Variants in PSMB7 observed in about 807,000 individuals in gnomAD.
The protein encoded by PSMB7 is proteasome 20S subunit beta 7.
Under a neutral mutation model 28.1 loss-of-function variants are expected in PSMB7, and 5 were observed. The ratio of observed to expected loss-of-function variants is 0.18; its 90% CI spans 0.09 to 0.37. The LOEUF (loss-of-function observed/expected upper bound fraction) is 0.37. Ranked by LOEUF, PSMB7 falls within the 10% of genes least tolerant of loss-of-function variation. The pLI is 1.00. For missense variants in PSMB7, 275 were observed against 346.2 expected (o/e 0.79, Z 1.63); for synonymous variants, 122 against 123.7 (o/e 0.99, Z 0.09).
intron 7 of PSMB7, among the ~76,000 whole-genome samples, chr9:124,355,534 C>T (rs551548176): frequency 2.0e-5 from 3 of 152,292 alleles, no homozygotes; most frequent in South Asian, 2.1e-4. Context: ...GCTCAAATCA[C>T]GCATCTTGCA....
chr9:124,370,001 C>G (rs1830545627), intron 6 of PSMB7, among the ~76,000 whole-genome samples: 1 of 152,164 alleles, frequency 6.6e-6, no homozygotes, highest in South Asian at 2.1e-4. Context: ...TGTCTTAAAA[C>G]CAGGCACAGG....
At chr9:124,412,997 G>A (rs1394785710) in intron 3 of PSMB7, among the ~76,000 whole-genome samples, 1 of 151,748 alleles carries the variant, frequency 6.6e-6, no homozygotes, top group Non-Finnish European at 1.5e-5. Context: ...AACCGGAGGA[G>A]AAGGTAATTG....
intron 5 of PSMB7, among the ~76,000 whole-genome samples, chr9:124,399,760 C>G (rs114673478): frequency 1.1e-3 from 172 of 152,226 alleles, no homozygotes; most frequent in African/African-American, 3.9e-3. Context: ...TCTGAGAGGT[C>G]TCTGTAATGA....
chr9:124,403,018 A>G (rs1309435136), intron 5 of PSMB7, among the ~76,000 whole-genome samples: 1 of 152,180 alleles, frequency 6.6e-6, no homozygotes, highest in Non-Finnish European at 1.5e-5. Context: ...GCAATTTCCA[A>G]ACTACTCAAG....
intron 6 of PSMB7, among the ~76,000 whole-genome samples, chr9:124,383,414 C>G (rs954530465): frequency 1.3e-5 from 2 of 152,152 alleles, no homozygotes; most frequent in Non-Finnish European, 2.9e-5. Context: ...CTTATGTGAG[C>G]TATCCCCATG....
chr9:124,357,048 A>G, intron 6 of PSMB7, 133 bp from the exon 7 acceptor site: 1 of 1,032,582 alleles, frequency 9.7e-7, no homozygotes, highest in Non-Finnish European at 1.4e-6. Context: ...CATCTCACAG[A>G]TGAGGAAAAG....
At chr9:124,374,442 A>G (rs1384160409) in intron 6 of PSMB7, among the ~76,000 whole-genome samples, 1 of 152,244 alleles carries the variant, frequency 6.6e-6, no homozygotes, top group African/African-American at 2.4e-5. Context: ...GGTATCCCAC[A>G]CTTTTAGAAC....
At chr9:124,386,608 A>G (rs2131163749) in intron 5 of PSMB7, among the ~76,000 whole-genome samples, 1 of 152,332 alleles carries the variant, frequency 6.6e-6, no homozygotes, top group Non-Finnish European at 1.5e-5. Flanking sequence ...ACAAAGTCCA[A>G]GAATATCTCC....
intron 6 of PSMB7, among the ~76,000 whole-genome samples, chr9:124,370,947 C>A (rs1327581910): frequency 2.6e-5 from 4 of 152,198 alleles, no homozygotes; most frequent in African/African-American, 9.7e-5. Context: ...CATCATGCTT[C>A]CGTGTATATT....
At chr9:124,401,664 C>T (rs1347644006) in intron 5 of PSMB7, among the ~76,000 whole-genome samples, 1 of 152,190 alleles carries the variant, frequency 6.6e-6, no homozygotes, top group African/African-American at 2.4e-5. Flanking sequence ...AGGACAAAGA[C>T]CCTGATATTC....
intron 6 of PSMB7, among the ~76,000 whole-genome samples, chr9:124,375,695 T>C (rs1275578632): frequency 2.0e-5 from 3 of 152,202 alleles, no homozygotes; most frequent in African/African-American, 4.8e-5. Context: ...TCATTGTTTA[T>C]AATAGTTATC....
At chr9:124,381,937 AAAG>A (rs199579199) in intron 6 of PSMB7, among the ~76,000 whole-genome samples, 2,316 of 152,204 alleles carry the variant, frequency 0.015, 65 homozygotes, top group African/African-American at 0.052. Flanking sequence ...CTCAACCACT[AAAG>A]AAGAAGGTAC....
chr9:124,353,619 G>T lies in PSMB7; in HGVS notation c.813C>A (p.Val271=). ...CCATTCAGGAAGTGTCCATTGTTTGGACTGTTTCTTCCAGCACCTCAATCT... is the reference window on the plus strand; with the variant it reads ...CCATTCAGGAAGTGTCCATTGTTTGTACTGTTTCTTCCAGCACCTCAATCT... ...PLEIEVLEET[V]QTMDTS The change falls in exon 8 of 8, where the codon GTC becomes GTA. Residue 271 remains valine, a synonymous_variant. Transcript: ENST00000259457. The T allele has an allele frequency of 6.2e-7, 1 of 1,613,188 alleles. No homozygotes were observed. Among genetic ancestry groups the T allele is most frequent in the South Asian group, 1.1e-5 (1 of 91,054 alleles).
intron 5 of PSMB7, among the ~76,000 whole-genome samples, chr9:124,404,622 T>G (rs1588581824): frequency 1.3e-5 from 2 of 151,922 alleles, no homozygotes; most frequent in Non-Finnish European, 2.9e-5. Flanking sequence ...GAGGCCGAGG[T>G]GGGCAGATTA....
chr9:124,378,306 A>T (rs970084202), intron 6 of PSMB7, among the ~76,000 whole-genome samples: 3 of 152,158 alleles, frequency 2.0e-5, no homozygotes, highest in Non-Finnish European at 2.9e-5. Flanking sequence ...ATAAATGCTA[A>T]TTTTTTTTAA....
chr9:124,353,955 G>A (rs996991388), intron 7 of PSMB7, among the ~76,000 whole-genome samples: 5 of 151,562 alleles, frequency 3.3e-5, no homozygotes, highest in Non-Finnish European at 2.9e-5. Context: ...TGGTGGACAC[G>A]TGACTCTCCC....
chr9:124,354,637 G>A (rs932880723), intron 7 of PSMB7, among the ~76,000 whole-genome samples: 1 of 152,176 alleles, frequency 6.6e-6, no homozygotes, highest in African/African-American at 2.4e-5. Context: ...AGCCCAGAGC[G>A]GCCTGCCTTT....
chr9:124,360,472 C>T (rs550300890), intron 6 of PSMB7, among the ~76,000 whole-genome samples: 1 of 152,350 alleles, frequency 6.6e-6, no homozygotes, highest in African/African-American at 2.4e-5. Context: ...GGCCCAGGTG[C>T]GATGCTCTCT....
chr9:124,397,491 T>C (rs4838170), intron 5 of PSMB7, among the ~76,000 whole-genome samples: 13,286 of 152,264 alleles, frequency 0.087, 1,146 homozygotes, highest in East Asian at 0.45. Flanking sequence ...AGGTGTCTTC[T>C]ATTCAATGTA....
Sources: gnomAD v4.1 joint callset for allele counts (sites outside exome capture counted in the v4.1 genomes callset) on GRCh38, gnomAD v4.1.1 for gene constraint, MANE v1.5 for transcripts, NCBI Gene and HGNC (gene_info 2026-07-23, HGNC 2026-07-21) for gene names.